Variants in ADGB observed in about 807,000 individuals in gnomAD.
ADGB encodes androglobin.
ADGB carries 172 observed loss-of-function variants against 210.5 expected under a neutral mutation model. The ratio of observed to expected loss-of-function variants is 0.82; its 90% CI spans 0.72 to 0.93. The LOEUF is 0.93. Among genes scored for constraint, ADGB ranks in the 40% least tolerant of loss-of-function variants. ADGB has a pLI of 0.00. For synonymous variants in ADGB, 658 were observed against 662.7 expected, an observed-to-expected ratio of 0.99 and a Z score of 0.11; for missense variants, 2,025 against 1,964.8, an observed-to-expected ratio of 1.03 and a Z score of -0.58.
intron 31 of ADGB, 133 bp downstream of exon 31, chr6:146,784,927 T>C (rs933491555): frequency 7.8e-6 from 7 of 895,970 alleles, no homozygotes; most frequent in Middle Eastern, 2.3e-4. Flanking sequence ...CAGACAGGCA[T>C]TGAATAACTA....
At chr6:146,624,869 T>C (rs916030732) in intron 1 of ADGB, among the ~76,000 whole-genome samples, 1 of 152,032 alleles carries the variant, frequency 6.6e-6, no homozygotes, top group African/African-American at 2.4e-5. Context: ...ATTTCAAATA[T>C]CTTAGAATTT....
intron 29 of ADGB, among the ~76,000 whole-genome samples, chr6:146,778,130 T>C (rs1777747925): frequency 6.6e-6 from 1 of 152,194 alleles, no homozygotes; most frequent in African/African-American, 2.4e-5. Context: ...CAAAGGGAGC[T>C]CTAAAATTCT....
At chr6:146,687,033 C>T (rs547120304) in intron 10 of ADGB, among the ~76,000 whole-genome samples, 15 of 152,170 alleles carry the variant, frequency 9.9e-5, no homozygotes, top group African/African-American at 3.6e-4. Flanking sequence ...TCTTTCTTCT[C>T]CACTTTTTTA....
rs760589231 is a variant in ADGB at position 146,713,693 on chromosome 6, T to C, written c.1708-1689T>C. ...CAAATATTTTCTCCCAGTTTGTAGG[T>C]TGCATTCTCACTCTGTTGATTGTAT... is the stretch of plus-strand genomic sequence containing the variant. On this transcript the variant is annotated intron_variant, in intron 13 of 35. Coordinates refer to ENST00000397944, the MANE Select transcript of ADGB (RefSeq NM_024694.4). Among the ~76,000 whole-genome samples, 149 of 152,314 alleles carry C rather than the reference T, an allele frequency of 9.8e-4. 1 individual carries two copies. Among genetic ancestry groups the C allele is most frequent in the Non-Finnish European group, 1.5e-3 (102 of 68,024 alleles).
chr6:146,667,587 T>C (rs1217127343), intron 7 of ADGB, among the ~76,000 whole-genome samples: 2 of 152,020 alleles, frequency 1.3e-5, no homozygotes, highest in African/African-American at 4.8e-5. Flanking sequence ...CACTTATATA[T>C]ATACTATGAA....
At position 146,732,243 on chromosome 6, in the gene ADGB, A is replaced by G. The variant is rs186878287; in HGVS notation, c.2521-877A>G. On this transcript the variant is annotated intron_variant, in intron 20 of 35. Transcript: ENST00000397944. ...TAACCTCTTGGATGCTGGCCGAGGT[A>G]CCAAGGACACAGAAAGCAAACTCAT... Among the ~76,000 whole-genome samples, 390 of 152,296 alleles carry G rather than the reference A, an allele frequency of 2.6e-3. 3 individuals carry two copies. The highest frequency in any genetic ancestry group is 9.1e-3 in the African/African-American group (378 of 41,548).
chr6:146,810,599 T>TATAA (rs911084357), intron 35 of ADGB, among the ~76,000 whole-genome samples: 9 of 151,972 alleles, frequency 5.9e-5, no homozygotes, highest in Admixed American at 2.6e-4. Flanking sequence ...TATATATATA[T>TATAA]AATGGAATAT....
intron 29 of ADGB, among the ~76,000 whole-genome samples, chr6:146,776,278 T>C (rs1355579129): frequency 6.6e-6 from 1 of 152,196 alleles, no homozygotes; most frequent in Admixed American, 6.5e-5. Context: ...AGAATGTTTT[T>C]TTCTTGCATC....
In ADGB at chr6:146,704,023, C is replaced by G. The variant is rs182855472; in HGVS notation, c.1707+2953C>G. On this transcript the variant is annotated intron_variant, in intron 13 of 35. Transcript: ENST00000397944. ...CATTTTAACAGGTGTGAAGTGATAT[C>G]TCACTGTGGTCTTAATTTATGTTCC... Among the ~76,000 whole-genome samples the G allele has an allele frequency of 5.9e-5, 9 of 152,072 alleles. No individual in the cohort carries two copies. In the East Asian group the frequency reaches 1.4e-3, roughly 23 times the overall value.
At chr6:146,667,752 G>A (rs1775956348) in intron 7 of ADGB, among the ~76,000 whole-genome samples, 1 of 151,930 alleles carries the variant, frequency 6.6e-6, no homozygotes, top group South Asian at 2.1e-4. Flanking sequence ...ACATCTATAT[G>A]GAAATAATCA....
chr6:146,719,723 C>G (rs1776787900), intron 16 of ADGB, among the ~76,000 whole-genome samples: 1 of 152,172 alleles, frequency 6.6e-6, no homozygotes, highest in Admixed American at 6.5e-5. Context: ...AGGAACACCC[C>G]ACCCCTCAAT....
intron 10 of ADGB, among the ~76,000 whole-genome samples, chr6:146,688,968 C>T (rs890235621): frequency 6.6e-6 from 1 of 152,026 alleles, no homozygotes; most frequent in South Asian, 2.1e-4. Flanking sequence ...GAACAAAACT[C>T]GGGAAGGAGC....
At chr6:146,647,273 T>TAAC (rs1775632856) in intron 3 of ADGB, among the ~76,000 whole-genome samples, 2 of 151,500 alleles carry the variant, frequency 1.3e-5, no homozygotes, top group African/African-American at 4.8e-5. Context: ...ATCAAAAATC[T>TAAC]AATAATAATA....
chr6:146,791,903 A>G (rs9497626), intron 33 of ADGB, among the ~76,000 whole-genome samples: 2,034 of 147,018 alleles, frequency 0.014, 39 homozygotes, highest in African/African-American at 0.049. Context: ...GACTACAGGC[A>G]TGTGCCACTG....
intron 17 of ADGB, among the ~76,000 whole-genome samples, chr6:146,721,809 A>G (rs370122084): frequency 3.9e-5 from 6 of 152,092 alleles, no homozygotes; most frequent in Admixed American, 1.3e-4. Flanking sequence ...TTGCACTCCA[A>G]CCTGGGCAAC....
chr6:146,731,424 C>A (rs1465989329), intron 20 of ADGB, among the ~76,000 whole-genome samples: 3 of 151,610 alleles, frequency 2.0e-5, no homozygotes, highest in Non-Finnish European at 4.4e-5. Context: ...GTATTCAACA[C>A]CTGTCTCCTC....
At chr6:146,659,633 G>C (rs1446766160) in intron 5 of ADGB, among the ~76,000 whole-genome samples, 5 of 152,104 alleles carry the variant, frequency 3.3e-5, no homozygotes, top group African/African-American at 1.2e-4. Context: ...TTTCCAGTTT[G>C]GATTCTAAGT....
At chr6:146,632,536 T>C (rs910324082) in intron 1 of ADGB, among the ~76,000 whole-genome samples, 6 of 152,134 alleles carry the variant, frequency 3.9e-5, no homozygotes, top group Non-Finnish European at 8.8e-5. Context: ...GGGTTGGTGG[T>C]TATTCTGTCT....
intron 35 of ADGB, chr6:146,802,279 T>TC: frequency 4.8e-6 from 1 of 208,694 alleles, no homozygotes; most frequent in South Asian, 1.8e-4. Flanking sequence ...AATTATTTGT[T>TC]CAAGTTGGAA....
Sources: allele counts gnomAD v4.1 joint callset (sites outside exome capture counted in the v4.1 genomes callset), GRCh38; gene constraint gnomAD v4.1.1; transcripts MANE v1.5; gene names NCBI Gene and HGNC (gene_info 2026-07-23, HGNC 2026-07-21).